DAB1: variants seen among roughly 807,000 people sequenced by gnomAD.
DAB1 encodes disabled homolog 1.
Under a neutral mutation model 64.6 loss-of-function variants are expected in DAB1, and 15 were observed. The observed-to-expected ratio is 0.23, with a 90% CI of 0.16 to 0.36. The LOEUF is 0.36. Among genes scored for constraint, DAB1 ranks in the 10% least tolerant of loss-of-function variants. The pLI is 1.00. For synonymous variants in DAB1, 235 were observed against 251.9 expected, an observed-to-expected ratio of 0.93 and a Z score of 0.64; for missense variants, 596 against 706.7, an observed-to-expected ratio of 0.84 and a Z score of 1.78.
intron 2 of DAB1, among the ~76,000 whole-genome samples, chr1:57,274,493 C>T (rs1052299062): frequency 2.6e-5 from 4 of 152,182 alleles, no homozygotes; most frequent in East Asian, 1.9e-4. Context: ...TCAATAAATA[C>T]TAGCCATCAC....
chr1:57,020,262 A>G (rs1289540110), intron 11 of DAB1, among the ~76,000 whole-genome samples: 1 of 152,236 alleles, frequency 6.6e-6, no homozygotes, highest in Non-Finnish European at 1.5e-5. Flanking sequence ...TACACACTGT[A>G]TGAATAGCAG....
rs769458455 is a variant in DAB1, at chr1:57,145,322, T to C, written c.175A>G (p.Lys59Glu). 6.2e-7 allele frequency: 1 copy of C among 1,614,008 alleles called. No homozygotes were observed. The highest frequency in any genetic ancestry group is 1.3e-5 in the African/African-American group (1 of 74,940). Reference sequence around the variant, plus strand: ...TTCATCATGGAATCTTGACATAACTTGTCTCCCCGAGCTGCGGAAACTTCA... The same window carrying C: ...TTCATCATGGAATCTTGACATAACTCGTCTCCCCGAGCTGCGGAAACTTCA... ...IDEVSAARGD[K>E]LCQDSMMKLK... The change falls in exon 3 of 15, where the codon AAG (lysine) becomes GAG (glutamate). Residue 59 changes from lysine to glutamate, a missense_variant. This residue lies in a region of DAB1 where 176 missense variants were observed against 266.7 expected (regional missense o/e 0.66). Coordinates refer to ENST00000371236, the MANE Select transcript of DAB1 (RefSeq NM_001365792.1).
chr1:57,099,057 G>T lies in DAB1; in HGVS notation c.307-26643C>A, dbSNP rs1462761852. 3.3e-5 allele frequency among the ~76,000 whole-genome samples: 5 copies of T among 152,176 alleles called. No homozygotes were observed. The East Asian group carries it at 9.6e-4, about 29-fold the overall frequency. On this transcript the variant is annotated intron_variant, in intron 4 of 14. Transcript: ENST00000371236. ...GTTGGGAGAGCCAAGGTAGCATAAT[G>T]GGTAGCATTGGAGGCTCTGGGTCTA...
At chr1:57,867,637 T>G (rs1369508306) in intron 1 of DAB1, among the ~76,000 whole-genome samples, 1 of 152,138 alleles carries the variant, frequency 6.6e-6, no homozygotes, top group Non-Finnish European at 1.5e-5. Context: ...TGTGGCCACG[T>G]TGCCTCTCCA....
At chr1:58,089,841 C>T (rs561674465) in intron 5 of DAB1, among the ~76,000 whole-genome samples, 24 of 152,244 alleles carry the variant, frequency 1.6e-4, no homozygotes, top group Non-Finnish European at 2.9e-4. Context: ...AAACTGCCAG[C>T]ACCCAGTGTT....
intron 6 of DAB1, among the ~76,000 whole-genome samples, chr1:57,795,572 G>A (rs568235957): frequency 2.6e-5 from 4 of 151,108 alleles, no homozygotes; most frequent in Non-Finnish European, 5.9e-5. Context: ...AGGATTCAGA[G>A]TATTGCAGAG....
chr1:57,439,645 T>A (rs1434311673), intron 7 of DAB1, among the ~76,000 whole-genome samples: 3 of 139,586 alleles, frequency 2.1e-5, no homozygotes, highest in Admixed American at 2.1e-4. Context: ...GCCAGGATGG[T>A]CTTGATCTTC....
At chr1:58,403,790 T>A (rs950209730) in intron 3 of DAB1, among the ~76,000 whole-genome samples, 1 of 152,106 alleles carries the variant, frequency 6.6e-6, no homozygotes, top group South Asian at 2.1e-4. Flanking sequence ...CCCCTATACA[T>A]GTTTGCAAAT....
intron 4 of DAB1, among the ~76,000 whole-genome samples, chr1:58,220,466 T>G (rs1659099052): frequency 6.6e-6 from 1 of 152,186 alleles, no homozygotes; most frequent in Admixed American, 6.5e-5. Flanking sequence ...CAAAGACTAT[T>G]TGTTTCTTCT....
chr1:57,033,704 TG>T (rs1647037736), intron 9 of DAB1: 3 of 843,012 alleles, frequency 3.6e-6, no homozygotes, highest in Non-Finnish European at 5.9e-6. Context: ...CTGTTTCCAA[TG>T]TCTGTGAAAA....
At chr1:58,339,020 G>A (rs916444853) in intron 4 of DAB1, among the ~76,000 whole-genome samples, 5 of 152,162 alleles carry the variant, frequency 3.3e-5, no homozygotes, top group Non-Finnish European at 7.3e-5. Context: ...GAGGAATGGG[G>A]AGTGACTGCT....
rs776459757 is a variant in DAB1 at position 57,010,661 on chromosome 1, A to G, written c.*15+19T>C. ...CAGATAGCTTAAGGGTAAAGGAGAT[A>G]AAAAGGACAGATACCTACCCAGACC... On this transcript the variant is annotated intron_variant, in intron 14 of 14. Transcript: ENST00000371236. 4 of 1,384,344 alleles carry G rather than the reference A, an allele frequency of 2.9e-6. No homozygotes were observed. The African/African-American group carries it at 5.8e-5, about 20-fold the overall frequency. The allele number at this position is 1,384,344 out of a possible 1,614,324, so 85.8% of individuals were successfully genotyped here.
At chr1:57,315,706 G>C (rs1163473120) in intron 1 of DAB1, among the ~76,000 whole-genome samples, 1 of 152,144 alleles carries the variant, frequency 6.6e-6, no homozygotes, top group Non-Finnish European at 1.5e-5. Context: ...GTCTCACCAT[G>C]TTAGCCAGGA....
intron 3 of DAB1, among the ~76,000 whole-genome samples, chr1:58,471,324 G>A (rs1645355488): frequency 6.6e-6 from 1 of 152,090 alleles, no homozygotes; most frequent in African/African-American, 2.4e-5. Context: ...CTCTTCTCAG[G>A]GAGGAAAATA....
At chr1:57,817,499 T>C (rs1651921841) in intron 6 of DAB1, among the ~76,000 whole-genome samples, 1 of 152,200 alleles carries the variant, frequency 6.6e-6, no homozygotes. Context: ...TGTTCTGGCC[T>C]TTCAGGAGGA....
At chr1:57,185,820 G>A (rs1253821164) in intron 2 of DAB1, among the ~76,000 whole-genome samples, 1 of 152,104 alleles carries the variant, frequency 6.6e-6, no homozygotes, top group African/African-American at 2.4e-5. Flanking sequence ...GGAAGTACCA[G>A]GACACTGTAT....
At chr1:58,432,784 T>A (rs1377123486) in intron 3 of DAB1, among the ~76,000 whole-genome samples, 1 of 152,198 alleles carries the variant, frequency 6.6e-6, no homozygotes, top group African/African-American at 2.4e-5. Flanking sequence ...CTGGGCACTT[T>A]CTGTGAGCTC....
chr1:58,295,979 G>T (rs547167505), intron 4 of DAB1, among the ~76,000 whole-genome samples: 3 of 151,328 alleles, frequency 2.0e-5, no homozygotes, highest in Non-Finnish European at 4.4e-5. Context: ...TATAGTCCCA[G>T]CTACTCAGGA....
At chr1:58,247,880 C>T (rs987771713) in intron 4 of DAB1, among the ~76,000 whole-genome samples, 1 of 148,106 alleles carries the variant, frequency 6.8e-6, no homozygotes, top group Admixed American at 6.9e-5. Context: ...ATCCCTGTCT[C>T]TCTATTTCTC....
Sources: allele counts gnomAD v4.1 joint callset (sites outside exome capture counted in the v4.1 genomes callset), GRCh38; gene constraint gnomAD v4.1.1; regional missense constraint gnomAD v4.1.1; transcripts MANE v1.5; gene names NCBI Gene and HGNC (gene_info 2026-07-23, HGNC 2026-07-21).